AGO3: variants seen among roughly 807,000 people sequenced by gnomAD.
The protein encoded by AGO3 is protein argonaute-3.
A neutral mutation model predicts 105.5 loss-of-function variants in AGO3; 16 were observed. That is an observed-to-expected ratio of 0.15 (90% CI 0.10 to 0.23). AGO3 has a LOEUF of 0.23. AGO3 is among the 10% of genes least tolerant of loss of function. AGO3 has a pLI of 1.00. For missense variants in AGO3, 534 were observed against 1,088.0 expected, an observed-to-expected ratio of 0.49 and a Z score of 7.16; for synonymous variants, 340 against 367.3, an observed-to-expected ratio of 0.93 and a Z score of 0.85.
intron 1 of AGO3, among the ~76,000 whole-genome samples, chr1:35,933,294 A>G (rs527667401): frequency 4.3e-4 from 65 of 152,322 alleles, no homozygotes; most frequent in South Asian, 1.7e-3. Flanking sequence ...AGACTTGTAT[A>G]TAATTGGTAT....
At position 36,055,727 on chromosome 1, in the gene AGO3, C is replaced by T. The variant is rs758449362; in HGVS notation, c.2565C>T (p.Arg855=). 6 of 1,614,028 alleles carry T rather than the reference C, an allele frequency of 3.7e-6. No individual in the cohort carries two copies. The highest frequency in any genetic ancestry group is 1.3e-5 in the African/African-American group (1 of 74,920). The change falls in exon 19 of 19, where the codon CGC becomes CGT. Residue 855 remains arginine (R), a synonymous_variant. Transcript: ENST00000373191. The surrounding 1 kb of genome is among the most constrained non-coding windows in gnomAD (Gnocchi z 4.4). ...KAVQIHQDTL[R]TMYFA is the part of the protein sequence containing the mutation. ...TACAGATTCACCAAGATACCTTACG[C>T]ACAATGTACTTCGCTTAAATAGTCC...
In AGO3 at chr1:35,931,368, C is replaced by G; in HGVS notation, c.-59C>G. ...CGCGCCGCGTCGCCCCCCGGGCCGC[C>G]TCCTTGCCGCCAGTGGCGGGCTCCG... On this transcript the variant is annotated 5_prime_UTR_variant, in exon 1 of 19. Transcript: ENST00000373191. 1 of 1,405,036 alleles carries G rather than the reference C, an allele frequency of 7.1e-7. No individual in the cohort carries two copies. The highest frequency in any genetic ancestry group is 1.6e-5 in the South Asian group (1 of 61,230). 87.0% of individuals were successfully genotyped at this position (1,405,036 alleles called of 1,614,324 possible). A position where few individuals can be genotyped will look rare whatever the true frequency, so the allele number is the denominator to read the frequency against.
At position 36,055,837 on chromosome 1, in the gene AGO3, T is replaced by C. The variant is rs1569968605; in HGVS notation, c.*92T>C. ...GTGAAGTCAATTGAGTAAGGACACC[T>C]CCAGCCATACAGAAACCAACACTGT... On this transcript the variant is annotated 3_prime_UTR_variant, in exon 19 of 19. Coordinates refer to ENST00000373191, the MANE Select transcript of AGO3 (RefSeq NM_024852.4). This position sits in a 1 kb window ranked among gnomAD's most constrained non-coding sequence, Gnocchi z 4.4. 1.6e-5 allele frequency: 21 copies of C among 1,273,608 alleles called. No individual in the cohort carries two copies. Among genetic ancestry groups the C allele is most frequent in the African/African-American group, 2.9e-5 (2 of 68,154 alleles). The allele number at this position is 1,273,608 out of a possible 1,614,324, so 78.9% of individuals were successfully genotyped here. A position where few individuals can be genotyped will look rare whatever the true frequency, so the allele number is the denominator to read the frequency against.
At chr1:35,980,510 G>T (rs948568692) in intron 5 of AGO3, among the ~76,000 whole-genome samples, 6 of 152,142 alleles carry the variant, frequency 3.9e-5, no homozygotes, top group Admixed American at 1.3e-4. Context: ...CTGGTCATTT[G>T]TTGGTTTCAG....
rs1244553255 is a variant in AGO3, at chr1:36,040,458, T to C, written c.2172+17T>C. The C allele has an allele frequency of 6.2e-7, 1 of 1,613,696 alleles. No homozygotes were observed. Among genetic ancestry groups the C allele is most frequent in the South Asian group, 1.1e-5 (1 of 90,994 alleles). On this transcript the variant is annotated intron_variant, in intron 16 of 18. Coordinates refer to ENST00000373191, the MANE Select transcript of AGO3 (RefSeq NM_024852.4). The stretch of plus-strand genomic sequence containing the variant: ...ACAGAAAGGGTAATCTCACCTCTGT[T>C]GTAATACTGTTATAAACCAAGCTTA...
intron 5 of AGO3, 45 bp from the exon 6 acceptor site, chr1:36,004,296 T>A: frequency 6.4e-7 from 1 of 1,565,676 alleles, no homozygotes; most frequent in Non-Finnish European, 8.7e-7. Flanking sequence ...TTTCTGAATT[T>A]TTTAGGGAAA....
rs566992201 is a variant in AGO3, at chr1:35,940,071, A to AT, written c.20-5608dup. Among the ~76,000 whole-genome samples, 275 of 146,868 alleles carry AT rather than the reference A, an allele frequency of 1.9e-3. 4 individuals carry two copies. Among genetic ancestry groups the AT allele is most frequent in the South Asian group, 8.4e-3 (39 of 4,642 alleles). Reference sequence around the variant, plus strand: ...TTTAAACTGTTTGCCTTAAAAAAAAATTTTTTTTTTTTTGAGATACAGTCT... The same window carrying AT: ...TTTAAACTGTTTGCCTTAAAAAAAAATTTTTTTTTTTTTTGAGATACAGTCT... On this transcript the variant is annotated intron_variant, in intron 1 of 18. Coordinates refer to ENST00000373191, the MANE Select transcript of AGO3 (RefSeq NM_024852.4).
chr1:36,013,737 C>G lies in AGO3; in HGVS notation c.1257C>G (p.Leu419=), dbSNP rs1044077164. The G allele has an allele frequency of 5.5e-5, 89 of 1,613,902 alleles. No individual in the cohort carries two copies. The highest frequency in any genetic ancestry group is 7.2e-5 in the Non-Finnish European group (85 of 1,179,966). Reference sequence around the variant, plus strand: ...GACGCGTACTTCCAGCACCTATGCTCCAGTATGGAGGACGGGTAAAGTCTC... The same window carrying G: ...GACGCGTACTTCCAGCACCTATGCTGCAGTATGGAGGACGGGTAAAGTCTC... ...VTGRVLPAPM[L]QYGGRNRTVA... The change falls in exon 10 of 19, where the codon CTC becomes CTG. Residue 419 remains leucine (L), a synonymous_variant. Coordinates refer to ENST00000373191, the MANE Select transcript of AGO3 (RefSeq NM_024852.4).
chr1:35,981,770 T>A (rs1213794097), intron 5 of AGO3, among the ~76,000 whole-genome samples: 1 of 152,204 alleles, frequency 6.6e-6, no homozygotes, highest in East Asian at 1.9e-4. Context: ...CCTTACCTCC[T>A]TCTGAGAATC....
rs368704683 is a variant in AGO3 at position 36,055,589 on chromosome 1, A to C, written c.2475-48A>C. On this transcript the variant is annotated intron_variant, in intron 18 of 18. Transcript: ENST00000373191. This position sits in a 1 kb window ranked among gnomAD's most constrained non-coding sequence, Gnocchi z 4.4. ...AAATAGTATTTTTCGGAATTATTAC[A>C]TCAGAATAGAAAGTTTGTTTTTGTG... The C allele has an allele frequency of 5.8e-6, 9 of 1,542,358 alleles. No individual in the cohort carries two copies. The highest frequency in any genetic ancestry group is 1.4e-5 in the African/African-American group (1 of 73,300).
In AGO3 at chr1:35,972,400, A is replaced by G. The variant is rs76639359; in HGVS notation, c.521+168A>G. 6.6e-3 allele frequency among the ~76,000 whole-genome samples: 1,011 copies of G among 152,302 alleles called. 7 individuals carry two copies. The highest frequency in any genetic ancestry group is 0.023 in the African/African-American group (959 of 41,566). On this transcript the variant is annotated intron_variant, in intron 4 of 18. Coordinates refer to ENST00000373191, the MANE Select transcript of AGO3 (RefSeq NM_024852.4). ...CATTGACAGGAGTACGTTACAGAAA[A>G]TTATCTGGCTTTTGCAAGTAACTAT...
At chr1:36,004,615 A>G (rs1640256048) in intron 6 of AGO3, 140 bp downstream of exon 6, 1 of 798,962 alleles carries the variant, frequency 1.3e-6, no homozygotes, top group South Asian at 4.1e-5. Context: ...ATAAAATATT[A>G]CATTAAATTC....
At chr1:35,977,700 A>G (rs574306780) in intron 5 of AGO3, among the ~76,000 whole-genome samples, 2 of 152,048 alleles carry the variant, frequency 1.3e-5, no homozygotes, top group Admixed American at 6.6e-5. Context: ...GCTAGTTTCT[A>G]TTAGTTTTTG....
chr1:35,934,954 G>A (rs559030497), intron 1 of AGO3, among the ~76,000 whole-genome samples: 1 of 152,016 alleles, frequency 6.6e-6, no homozygotes, highest in African/African-American at 2.4e-5. Flanking sequence ...TGTTTTTGTC[G>A]TTATATAAAT....
intron 5 of AGO3, among the ~76,000 whole-genome samples, chr1:35,975,476 G>A (rs1274879521): frequency 6.6e-6 from 1 of 151,596 alleles, no homozygotes; most frequent in Non-Finnish European, 1.5e-5. Context: ...CTGTTCATCT[G>A]TCATGAGTTG....
intron 2 of AGO3, among the ~76,000 whole-genome samples, chr1:35,960,489 T>A (rs188925696): frequency 0.013 from 1,885 of 148,820 alleles, 23 homozygotes; most frequent in African/African-American, 0.027. Context: ...CAAAAAAAAA[T>A]TTTTTTTTTT....
chr1:36,025,648 G>T, intron 11 of AGO3, among the ~76,000 whole-genome samples: 1 of 152,266 alleles, frequency 6.6e-6, no homozygotes, highest in African/African-American at 2.4e-5. Context: ...AGATCACTCA[G>T]ATCCTTGACT....
chr1:36,003,482 G>A (rs965258322), intron 5 of AGO3, among the ~76,000 whole-genome samples: 5 of 151,158 alleles, frequency 3.3e-5, no homozygotes, highest in African/African-American at 1.2e-4. Context: ...ATCACCTGAG[G>A]TCAGGAGTTC....
chr1:36,072,297 C>G lies in AGO3; in HGVS notation c.*16552C>G, dbSNP rs887648554. ...AACAACAAAAGAAATTGTCATGATT[C>G]TTTCTGAGCCAAACTGTCACGAAAT... On this transcript the variant is annotated 3_prime_UTR_variant, in exon 19 of 19. Transcript: ENST00000373191. The G allele has an allele frequency of 6.6e-6, 1 of 152,200 alleles. No individual in the cohort carries two copies. Among genetic ancestry groups the G allele is most frequent in the African/African-American group, 2.4e-5 (1 of 41,456 alleles). The allele number at this position is 152,200 out of a possible 1,614,324, so 9.4% of individuals were successfully genotyped here.
Sources: gnomAD v4.1 joint callset for allele counts (sites outside exome capture counted in the v4.1 genomes callset) on GRCh38, gnomAD v4.1.1 for gene constraint, Gnocchi (gnomAD v3.1) non-coding constraint, MANE v1.5 for transcripts, NCBI Gene and HGNC (gene_info 2026-07-23, HGNC 2026-07-21) for gene names.